TPO: variants seen among roughly 807,000 people sequenced by gnomAD.
TPO encodes the protein thyroid peroxidase, also known as thyroid microsomal antigen.
Under a neutral mutation model 96.9 loss-of-function variants are expected in TPO, and 78 were observed. The ratio of observed to expected loss-of-function variants is 0.81; its 90% CI spans 0.67 to 0.97. TPO has a LOEUF of 0.97. Among genes scored for constraint, TPO ranks in the 50% least tolerant of loss-of-function variants. The pLI is 0.00. For missense variants in TPO, 1,252 were observed against 1,274.8 expected (o/e 0.98, Z 0.27); for synonymous variants, 547 against 538.0 (o/e 1.02, Z -0.23).
In TPO at chr2:1,494,667, C is replaced by T. The variant is rs146536091; in HGVS notation, c.2006+628C>T. On this transcript the variant is annotated intron_variant, in intron 11 of 16. Coordinates refer to ENST00000329066, the MANE Select transcript of TPO (RefSeq NM_001206744.2). ...TGCATGCCCCCCGTAGAAGCAGGTG[C>T]GCAGGATACCAGTGTTAGGATTTTG... Among the ~76,000 whole-genome samples, 295 of 152,286 alleles carry T rather than the reference C, an allele frequency of 1.9e-3. 2 individuals carry two copies. The highest frequency in any genetic ancestry group is 3.5e-3 in the Non-Finnish European group (240 of 68,034).
chr2:1,505,062 G>T (rs1158875432), intron 14 of TPO, among the ~76,000 whole-genome samples: 4 of 152,180 alleles, frequency 2.6e-5, no homozygotes, highest in African/African-American at 9.7e-5. Flanking sequence ...CTGAAACTCA[G>T]CTCCTCAGCG....
chr2:1,458,559 G>A (rs1668106554), intron 7 of TPO, among the ~76,000 whole-genome samples: 1 of 151,936 alleles, frequency 6.6e-6, no homozygotes, highest in Non-Finnish European at 1.5e-5. Context: ...TGTGTATATG[G>A]CATATAAGAT....
chr2:1,408,042 A>G (rs1662272480), intron 1 of TPO, among the ~76,000 whole-genome samples: 1 of 152,202 alleles, frequency 6.6e-6, no homozygotes, highest in African/African-American at 2.4e-5. Flanking sequence ...GGGATTCTTC[A>G]CACTTCATAG....
intron 14 of TPO, chr2:1,512,487 G>A (rs1674257223): frequency 2.0e-6 from 2 of 985,316 alleles, no homozygotes; most frequent in Admixed American, 6.1e-5. Context: ...CTGCCTTCTG[G>A]TTCTGTGTGA....
chr2:1,477,337 G>C lies in TPO; in HGVS notation c.1071G>C (p.Arg357=), dbSNP rs1167303227. The C allele has an allele frequency of 1.9e-6, 3 of 1,558,928 alleles. No homozygotes were observed. The East Asian group carries it at 7.1e-5, about 37-fold the overall frequency. ...EGLLRVHARL[R]DSGRAYLPFV... is the part of the protein sequence containing the mutation. ...TGCTCCGCGTCCACGCGCGCCTCCG[G>C]GACTCCGGCCGCGCCTACCTGCCCT... Residue 357 remains arginine (R), a synonymous_variant, in exon 8 of 17, where the codon CGG becomes CGC. Coordinates refer to ENST00000329066, the MANE Select transcript of TPO (RefSeq NM_001206744.2).
At chr2:1,440,072 G>A (rs1445131783) in intron 5 of TPO, among the ~76,000 whole-genome samples, 1 of 152,130 alleles carries the variant, frequency 6.6e-6, no homozygotes, top group Non-Finnish European at 1.5e-5. Flanking sequence ...GTCTGGGCTG[G>A]TGCTGCATTT....
chr2:1,496,534 T>C (rs1573432738), intron 12 of TPO, 61 bp from the exon 13 acceptor site: 6 of 1,605,850 alleles, frequency 3.7e-6, no homozygotes, highest in African/African-American at 2.7e-5. Context: ...GACAGGGACG[T>C]TGGTGTGTGG....
intron 1 of TPO, chr2:1,413,817 A>T: frequency 2.3e-6 from 2 of 879,430 alleles, no homozygotes; most frequent in Non-Finnish European, 2.7e-6. Context: ...TAACAAAATT[A>T]GTGGCTCAAA....
chr2:1,442,761 G>A (rs1666319597), intron 5 of TPO, among the ~76,000 whole-genome samples: 1 of 152,186 alleles, frequency 6.6e-6, no homozygotes, highest in African/African-American at 2.4e-5. Context: ...CAAAGATAGT[G>A]ATGCTCATTT....
intron 1 of TPO, among the ~76,000 whole-genome samples, chr2:1,391,821 G>C (rs1366177513): frequency 6.6e-6 from 1 of 152,164 alleles, no homozygotes; most frequent in Non-Finnish European, 1.5e-5. Context: ...CTGTTTGTCT[G>C]TTGTTGGTGT....
intron 14 of TPO, among the ~76,000 whole-genome samples, chr2:1,511,024 C>T (rs1017621163): frequency 7.9e-5 from 12 of 152,228 alleles, no homozygotes; most frequent in Non-Finnish European, 1.5e-4. Flanking sequence ...GATTTCGGTA[C>T]AGCTCTCCCT....
chr2:1,451,670 G>A (rs551260045), intron 5 of TPO, among the ~76,000 whole-genome samples: 4 of 152,264 alleles, frequency 2.6e-5, no homozygotes, highest in Admixed American at 1.3e-4. Flanking sequence ...CAGAACCTCA[G>A]TGCTGGTTGT....
In TPO at chr2:1,531,204, C is replaced by CTGCAACCACCCCAAATCGCCCCCACTGTG. The variant is rs1245126854; in HGVS notation, c.2619-9382_2619-9354dup. 1.6e-3 allele frequency among the ~76,000 whole-genome samples: 130 copies of CTGCAACCACCCCAAATCGCCCCCACTGTG among 83,394 alleles called. 2 individuals are homozygous for CTGCAACCACCCCAAATCGCCCCCACTGTG. The highest frequency in any genetic ancestry group is 5.4e-3 in the South Asian group (10 of 1,858). 54.7% of individuals were successfully genotyped at this position (83,394 alleles called of 152,430 possible). On this transcript the variant is annotated intron_variant, in intron 15 of 16. Coordinates refer to ENST00000329066, the MANE Select transcript of TPO (RefSeq NM_001206744.2). ...CAACCTCCCCAAATCCCCACACTGT[C>CTGCAACCACCCCAAATCGCCCCCACTGTG]TGCAACCACCCCAAATCGCCCCCAC... is the stretch of plus-strand genomic sequence containing the variant.
chr2:1,377,086 A>G (rs1275079065), intron 1 of TPO, among the ~76,000 whole-genome samples: 1 of 152,228 alleles, frequency 6.6e-6, no homozygotes, highest in African/African-American at 2.4e-5. Context: ...CACTTAAATA[A>G]TATTTAATTT....
intron 15 of TPO, among the ~76,000 whole-genome samples, chr2:1,527,888 C>A (rs79142363): frequency 7.9e-4 from 36 of 45,346 alleles, no homozygotes; most frequent in South Asian, 1.4e-3. Flanking sequence ...AATCCCCCCA[C>A]TGCGTGCAAC....
intron 1 of TPO, among the ~76,000 whole-genome samples, chr2:1,402,665 G>C (rs1410673262): frequency 6.6e-6 from 1 of 152,062 alleles, no homozygotes; most frequent in African/African-American, 2.4e-5. Flanking sequence ...CCAAGCAAAG[G>C]GGGAAACTTC....
chr2:1,535,797 G>A (rs1228924893), intron 15 of TPO, among the ~76,000 whole-genome samples: 2 of 38,270 alleles, frequency 5.2e-5, no homozygotes, highest in South Asian at 1.3e-3. Flanking sequence ...TGCAACCTCC[G>A]CCATCCCTCC....
chr2:1,469,731 C>A (rs554310680), intron 7 of TPO, among the ~76,000 whole-genome samples: 1 of 152,278 alleles, frequency 6.6e-6, no homozygotes, highest in Non-Finnish European at 1.5e-5. Context: ...GTAATCTAGA[C>A]CTTCAGGTTC....
chr2:1,526,362 CTG>C (rs1676500675), intron 15 of TPO, among the ~76,000 whole-genome samples: 1 of 108,484 alleles, frequency 9.2e-6, no homozygotes, highest in Non-Finnish European at 1.9e-5. Context: ...ATTCCCCCCA[CTG>C]TGTGCAACCC....
Sources: gnomAD v4.1 joint callset for allele counts (sites outside exome capture counted in the v4.1 genomes callset) on GRCh38, gnomAD v4.1.1 for gene constraint, MANE v1.5 for transcripts, NCBI Gene and HGNC (gene_info 2026-07-23, HGNC 2026-07-21) for gene names.